Variants in SIGLEC15 observed in about 807,000 individuals in gnomAD.
SIGLEC15 encodes the protein sialic acid binding Ig like lectin 15.
Under a neutral mutation model 26.2 loss-of-function variants are expected in SIGLEC15, and 31 were observed. The observed-to-expected ratio is 1.18, with a 90% CI of 0.89 to 1.60. The LOEUF (loss-of-function observed/expected upper bound fraction) is 1.60. SIGLEC15 is among the 40% of genes most tolerant of loss of function. The pLI is 0.00. For synonymous variants in SIGLEC15, 207 were observed against 221.9 expected (o/e 0.93, Z 0.60); for missense variants, 501 against 488.4 (o/e 1.03, Z -0.24).
chr18:45,828,456 G>A (rs1158637669), intron 1 of SIGLEC15, among the ~76,000 whole-genome samples: 1 of 152,128 alleles, frequency 6.6e-6, no homozygotes, highest in Non-Finnish European at 1.5e-5. Context: ...CGTGGGGCAG[G>A]GGGAAGAACA....
intron 5 of SIGLEC15, among the ~76,000 whole-genome samples, chr18:45,841,457 G>C (rs1000192772): frequency 6.6e-6 from 1 of 152,208 alleles, no homozygotes; most frequent in Non-Finnish European, 1.5e-5. Flanking sequence ...GGAAGTCACT[G>C]AATGGTTTTA....
intron 2 of SIGLEC15, 152 bp downstream of exon 2, chr18:45,837,240 G>A: frequency 7.3e-7 from 1 of 1,366,536 alleles, no homozygotes; most frequent in Non-Finnish European, 9.6e-7. Flanking sequence ...ATTAGGAAAC[G>A]AAGAGGGGAA....
intron 1 of SIGLEC15, among the ~76,000 whole-genome samples, chr18:45,831,539 A>C (rs1599389490): frequency 6.6e-6 from 1 of 152,340 alleles, no homozygotes; most frequent in East Asian, 1.9e-4. Flanking sequence ...GGAGGCTATT[A>C]ATTGCCACTG....
rs1465523927 is a variant in SIGLEC15, at chr18:45,842,210, C to A, written c.*23C>A. ...TGAGGAGTCCCTCAGCCACCAACATCCATTTCAGCACTGTAAAGAACAAAG... is the reference window on the plus strand; with the variant it reads ...TGAGGAGTCCCTCAGCCACCAACATACATTTCAGCACTGTAAAGAACAAAG... On this transcript the variant is annotated 3_prime_UTR_variant, in exon 6 of 6. Transcript: ENST00000389474. 1.2e-6 allele frequency: 2 copies of A among 1,612,824 alleles called. No homozygotes were observed. The highest frequency in any genetic ancestry group is 4.5e-5 in the East Asian group (2 of 44,874).
At chr18:45,840,166 C>G in intron 4 of SIGLEC15, 45 bp from the exon 5 acceptor site, 2 of 1,609,494 alleles carry the variant, frequency 1.2e-6, no homozygotes, top group Non-Finnish European at 8.5e-7. Flanking sequence ...AGGCTGCAGA[C>G]TGCGGTGGAG....
chr18:45,836,084 C>G (rs1025326985), intron 1 of SIGLEC15, among the ~76,000 whole-genome samples: 2 of 152,162 alleles, frequency 1.3e-5, no homozygotes, highest in Admixed American at 1.3e-4. Context: ...TGGATGGTCC[C>G]CATGGAGGAT....
chr18:45,837,733 C>G lies in SIGLEC15; in HGVS notation c.333C>G (p.His111Gln), dbSNP rs777583258. Residue 111 changes from histidine to glutamine, a missense_variant, in exon 3 of 6, where the codon CAC becomes CAG. By Grantham distance (24) the His-to-Gln change is conservative. Transcript: ENST00000389474. ...SELCQTALSL[H>Q]GRFRLLGNPR... ...TCTGCCAGACGGCGCTGAGCCTGCA[C>G]GGCCGCTTCCGGCTGCTGGGCAACC... 6.4e-4 allele frequency: 968 copies of G among 1,506,386 alleles called. No individual in the cohort carries two copies. The highest frequency in any genetic ancestry group is 7.0e-4 in the Non-Finnish European group (791 of 1,135,866). 93.3% of individuals were successfully genotyped at this position (1,506,386 alleles called of 1,614,324 possible).
chr18:45,832,169 C>A (rs189297114), intron 1 of SIGLEC15, among the ~76,000 whole-genome samples: 1 of 152,250 alleles, frequency 6.6e-6, no homozygotes, highest in Non-Finnish European at 1.5e-5. Context: ...GTGTTCAGTG[C>A]TCTACATACG....
intron 1 of SIGLEC15, chr18:45,829,287 C>A: frequency 5.6e-6 from 2 of 356,346 alleles, no homozygotes; most frequent in Non-Finnish European, 7.9e-6. Context: ...TGGCCTTTCA[C>A]TCACTACTCA....
Position 45,837,739 on chromosome 18 carries a change from C to T in SIGLEC15, c.339C>T (p.Arg113=). The change falls in exon 3 of 6, where the codon CGC becomes CGT. Residue 113 remains arginine (R), a synonymous_variant. Transcript: ENST00000389474. ...LCQTALSLHG[R]FRLLGNPRRN... ...AGACGGCGCTGAGCCTGCACGGCCG[C>T]TTCCGGCTGCTGGGCAACCCGCGCC... is the stretch of plus-strand genomic sequence containing the variant. The T allele has an allele frequency of 1.3e-6, 2 of 1,509,848 alleles. No individual in the cohort carries two copies. The highest frequency in any genetic ancestry group is 1.8e-6 in the Non-Finnish European group (2 of 1,137,600). The allele number at this position is 1,509,848 out of a possible 1,614,324, so 93.5% of individuals were successfully genotyped here. A position where few individuals can be genotyped will look rare whatever the true frequency, so the allele number is the denominator to read the frequency against.
intron 1 of SIGLEC15, among the ~76,000 whole-genome samples, chr18:45,834,291 G>A (rs938273587): frequency 6.6e-6 from 1 of 152,192 alleles, no homozygotes; most frequent in African/African-American, 2.4e-5. Context: ...GTGACTGAGA[G>A]GCAGGTACCA....
chr18:45,831,390 C>T (rs1355028817), intron 1 of SIGLEC15, among the ~76,000 whole-genome samples: 1 of 152,220 alleles, frequency 6.6e-6, no homozygotes, highest in Admixed American at 6.5e-5. Flanking sequence ...TTCCAAGAGT[C>T]TACAAACAGA....
At chr18:45,835,237 G>A (rs184881138) in intron 1 of SIGLEC15, among the ~76,000 whole-genome samples, 1 of 152,296 alleles carries the variant, frequency 6.6e-6, no homozygotes, top group Non-Finnish European at 1.5e-5. Flanking sequence ...AGATAAGCAA[G>A]TAAGAGACCC....
chr18:45,837,855 AC>A lies in SIGLEC15; in HGVS notation c.457del (p.Arg153AlafsTer12), dbSNP rs1451640750. 1.3e-6 allele frequency: 2 copies of A among 1,538,366 alleles called. No homozygotes were observed. Among genetic ancestry groups the A allele is most frequent in the South Asian group, 1.2e-5 (1 of 84,560 alleles). On this transcript the variant is annotated frameshift_variant, in exon 3 of 6. Coordinates refer to ENST00000389474, the MANE Select transcript of SIGLEC15 (RefSeq NM_213602.3). LOFTEE classifies it high-confidence loss of function. ...GTCGAGTTCGCCGGCGACGTCCATG[AC>A]CGCTACGAGAGCCGCCACGGCGTCC... ...CRVEFAGDVH[D>X]RYESRHGVRL... is the part of the protein sequence containing the mutation.
intron 1 of SIGLEC15, among the ~76,000 whole-genome samples, chr18:45,834,396 C>T (rs765736935): frequency 1.3e-5 from 2 of 152,204 alleles, no homozygotes; most frequent in Non-Finnish European, 2.9e-5. Flanking sequence ...AGTTCAAAGG[C>T]AATGCTCATA....
intron 1 of SIGLEC15, among the ~76,000 whole-genome samples, chr18:45,834,023 C>T (rs995049445): frequency 2.6e-5 from 4 of 152,218 alleles, no homozygotes; most frequent in African/African-American, 9.6e-5. Context: ...ATTACGCCTT[C>T]ATGCCTGGCA....
Position 45,838,823 on chromosome 18 carries a change from GC to G in SIGLEC15, c.605del (p.Pro202ArgfsTer20). 1 of 1,561,552 alleles carries G rather than the reference GC, an allele frequency of 6.4e-7. No individual in the cohort carries two copies. Among genetic ancestry groups the G allele is most frequent in the Non-Finnish European group, 8.6e-7 (1 of 1,159,930 alleles). On this transcript the variant is annotated frameshift_variant, in exon 4 of 6. Transcript: ENST00000389474. LOFTEE classifies it high-confidence loss of function. Reference protein sequence around the residue: ...GEPPPALAWSGPALGNSLAAV... With the variant: ...GEPPPALAWSXPALGNSLAAV... ...CCGCCGCCCGCCCTCGCCTGGTCCG[GC>G]CCGGCCCTGGGCAACAGCTTGGCAG...
At chr18:45,829,707 A>T (rs1422667202) in intron 1 of SIGLEC15, among the ~76,000 whole-genome samples, 1 of 152,016 alleles carries the variant, frequency 6.6e-6, no homozygotes, top group Non-Finnish European at 1.5e-5. Flanking sequence ...GGCTCCTCAT[A>T]CTGGCCACTC....
intron 2 of SIGLEC15, 149 bp from the exon 3 acceptor site, chr18:45,837,364 C>T (rs2048283725): frequency 2.4e-6 from 3 of 1,251,878 alleles, no homozygotes; most frequent in Non-Finnish European, 3.2e-6. Flanking sequence ...GGTTCCGGCT[C>T]CCCTGGAAGT....
Sources: gnomAD v4.1 joint callset for allele counts (sites outside exome capture counted in the v4.1 genomes callset) on GRCh38, gnomAD v4.1.1 for gene constraint, MANE v1.5 for transcripts, NCBI Gene and HGNC (gene_info 2026-07-23, HGNC 2026-07-21) for gene names.